The following ANKS1B variants were observed in gnomAD, a reference collection of about 807,000 sequenced individuals.
ANKS1B encodes ankyrin repeat and sterile alpha motif domain-containing protein 1B.
Under a neutral mutation model 148.3 loss-of-function variants are expected in ANKS1B, and 36 were observed. The observed-to-expected ratio is 0.24, with a 90% CI of 0.19 to 0.32. The LOEUF (loss-of-function observed/expected upper bound fraction) is 0.32, where lower values mean the gene tolerates loss of function less well. ANKS1B is among the 10% of genes least tolerant of loss of function. The probability of loss-of-function intolerance (pLI) is 1.00; values close to 1 mark genes in which losing one functional copy is unlikely to be tolerated. For synonymous variants in ANKS1B, 542 were observed against 560.8 expected, an observed-to-expected ratio of 0.97 and a Z score of 0.47; for missense variants, 1,157 against 1,542.6, an observed-to-expected ratio of 0.75 and a Z score of 4.19.
chr12:99,456,686 C>T lies in ANKS1B; in HGVS notation c.1439-12877G>A, dbSNP rs73375716. On this transcript the variant is annotated intron_variant, in intron 10 of 26. Coordinates refer to ENST00000683438, the MANE Select transcript of ANKS1B (RefSeq NM_001352186.2). ...AGAAAAAAACTTCAGAGCTTGAAAT[C>T]AAGGCTTTCAAATTAACCCAATCTG... is the stretch of plus-strand genomic sequence containing the variant. Among the ~76,000 whole-genome samples the T allele has an allele frequency of 5.9e-3, 893 of 152,150 alleles. 9 individuals are homozygous for T. The highest frequency in any genetic ancestry group is 0.021 in the African/African-American group (855 of 41,534).
chr12:99,359,407 G>C (rs1372597684), intron 12 of ANKS1B, among the ~76,000 whole-genome samples: 1 of 151,968 alleles, frequency 6.6e-6, no homozygotes, highest in Non-Finnish European at 1.5e-5. Flanking sequence ...TATGTGGCTT[G>C]AATAAAACCA....
chr12:99,102,435 T>C (rs2058171227), intron 15 of ANKS1B, among the ~76,000 whole-genome samples: 1 of 151,982 alleles, frequency 6.6e-6, no homozygotes, highest in Non-Finnish European at 1.5e-5. Context: ...CTTCTTCTTC[T>C]TTTTTTCACT....
intron 16 of ANKS1B, among the ~76,000 whole-genome samples, chr12:99,073,380 T>A (rs1599452782): frequency 6.6e-6 from 1 of 152,280 alleles, no homozygotes. Flanking sequence ...GTGTCTTTGC[T>A]CTCTTAGAGA....
At chr12:99,526,956 GACTT>G (rs1852717360) in intron 9 of ANKS1B, among the ~76,000 whole-genome samples, 2 of 152,168 alleles carry the variant, frequency 1.3e-5, no homozygotes, top group South Asian at 4.1e-4. Flanking sequence ...TCTGGAGACA[GACTT>G]GTACACAGGT....
At chr12:99,106,792 T>C (rs1399196167) in intron 15 of ANKS1B, among the ~76,000 whole-genome samples, 2 of 151,060 alleles carry the variant, frequency 1.3e-5, no homozygotes, top group South Asian at 2.1e-4. Context: ...AAAAGTTGTC[T>C]TTTAGGTTGT....
At chr12:99,960,999 G>A (rs189783929) in intron 1 of ANKS1B, among the ~76,000 whole-genome samples, 29 of 152,198 alleles carry the variant, frequency 1.9e-4, no homozygotes, top group African/African-American at 5.3e-4. Context: ...AGGCCGAGGC[G>A]GACGGATCAT....
In ANKS1B at chr12:98,773,105, G is replaced by A. The variant is rs370342056; in HGVS notation, c.3516C>T (p.Ala1172=). The change falls in exon 25 of 27, where the codon GCC becomes GCT. Residue 1172 remains alanine (A), a synonymous_variant. Transcript: ENST00000683438. ...AQDPEDLSTF[A]YITKDLKSNH... ...TAGACTTCAAATCTTTTGTGATATA[G>A]GCAAATGTTGAGAGGTCTTCTGGGT... 1 of 1,613,816 alleles carries A rather than the reference G, an allele frequency of 6.2e-7. No homozygotes were observed. Among genetic ancestry groups the A allele is most frequent in the Non-Finnish European group, 8.5e-7 (1 of 1,179,884 alleles).
chr12:99,520,162 G>T (rs1225990746), intron 9 of ANKS1B, among the ~76,000 whole-genome samples: 2 of 152,162 alleles, frequency 1.3e-5, no homozygotes, highest in Non-Finnish European at 2.9e-5. Context: ...ATTATTGCCA[G>T]TAACTTTTGT....
In ANKS1B at chr12:99,826,016, T is replaced by C. The variant is rs544145941; in HGVS notation, c.135-627A>G. Among the ~76,000 whole-genome samples the C allele has an allele frequency of 3.3e-5, 3 of 91,642 alleles. No individual in the cohort carries two copies. The South Asian group carries it at 8.1e-4, about 25-fold the overall frequency. 60.1% of individuals were successfully genotyped at this position (91,642 alleles called of 152,430 possible). A position where few individuals can be genotyped will look rare whatever the true frequency, so the allele number is the denominator to read the frequency against. On this transcript the variant is annotated intron_variant, in intron 1 of 26. Transcript: ENST00000683438. ...GATAACATGTAACTATATAAAAGAG[T>C]CTATTTTTTTTTTGATAACTACAAT... is the stretch of plus-strand genomic sequence containing the variant.
At chr12:99,348,253 G>A (rs1454707665) in intron 12 of ANKS1B, among the ~76,000 whole-genome samples, 1 of 151,796 alleles carries the variant, frequency 6.6e-6, no homozygotes, top group African/African-American at 2.4e-5. Context: ...AGAAAGAGAG[G>A]AGACAGAATA....
chr12:99,207,480 A>G (rs993015861), intron 14 of ANKS1B, among the ~76,000 whole-genome samples: 1 of 152,136 alleles, frequency 6.6e-6, no homozygotes, highest in African/African-American at 2.4e-5. Flanking sequence ...TTGTTTTTAT[A>G]TCATATAGAA....
rs903138294 is a variant in ANKS1B, at chr12:99,776,375, C to T, written c.848-714G>A. Among the ~76,000 whole-genome samples, 13 of 152,234 alleles carry T rather than the reference C, an allele frequency of 8.5e-5. 1 individual carries two copies. In the East Asian group the frequency reaches 2.5e-3, roughly 29 times the overall value. On this transcript the variant is annotated intron_variant, in intron 6 of 26. Coordinates refer to ENST00000683438, the MANE Select transcript of ANKS1B (RefSeq NM_001352186.2). Reference sequence around the variant, plus strand: ...ATGTAATCCTTACAAAACTATGACACATGCACTAAATTTTAAAGATTACAA... The same window carrying T: ...ATGTAATCCTTACAAAACTATGACATATGCACTAAATTTTAAAGATTACAA...
chr12:99,547,316 TTTTTA>T (rs143556790), intron 9 of ANKS1B, among the ~76,000 whole-genome samples: 11,477 of 152,194 alleles, frequency 0.075, 571 homozygotes, highest in East Asian at 0.24. Flanking sequence ...ATATACTTTG[TTTTTA>T]TTTTCTTTTA....
chr12:98,885,855 T>C (rs1018100824), intron 17 of ANKS1B, among the ~76,000 whole-genome samples: 1 of 152,090 alleles, frequency 6.6e-6, no homozygotes, highest in African/African-American at 2.4e-5. Context: ...CAATAAAACA[T>C]AGCTCAAAGA....
At chr12:99,208,357 C>T (rs921464519) in intron 14 of ANKS1B, among the ~76,000 whole-genome samples, 1 of 152,000 alleles carries the variant, frequency 6.6e-6, no homozygotes, top group African/African-American at 2.4e-5. Flanking sequence ...TGTTTTAAAC[C>T]ATTTGACATT....
In ANKS1B at chr12:99,848,731, G is replaced by C. The variant is rs116835817; in HGVS notation, c.135-23342C>G. Among the ~76,000 whole-genome samples, 1,210 of 151,790 alleles carry C rather than the reference G, an allele frequency of 8.0e-3. 14 individuals are homozygous for C. The highest frequency in any genetic ancestry group is 0.028 in the African/African-American group (1,145 of 41,376). The stretch of plus-strand genomic sequence containing the variant: ...ACAGATTACAAGCCTAAATATTAAA[G>C]GGCAAAACAATAAAATTTCTAGAAG... On this transcript the variant is annotated intron_variant, in intron 1 of 26. Transcript: ENST00000683438.
intron 11 of ANKS1B, among the ~76,000 whole-genome samples, chr12:99,416,503 A>T (rs2152695039): frequency 6.6e-6 from 1 of 152,318 alleles, no homozygotes; most frequent in East Asian, 1.9e-4. Context: ...CCTTGCCAGC[A>T]TTTAGTGTTG....
chr12:99,581,962 C>T (rs543304400), intron 9 of ANKS1B, among the ~76,000 whole-genome samples: 1 of 149,346 alleles, frequency 6.7e-6, no homozygotes, highest in African/African-American at 2.4e-5. Flanking sequence ...ATTAAACATA[C>T]ATCTGATAAA....
intron 19 of ANKS1B, among the ~76,000 whole-genome samples, chr12:98,811,327 C>T (rs2099093854): frequency 6.6e-6 from 1 of 152,192 alleles, no homozygotes; most frequent in Admixed American, 6.5e-5. Context: ...TAACCCCAGA[C>T]TCCTTCTGCA....
Sources: gnomAD v4.1 joint callset for allele counts (sites outside exome capture counted in the v4.1 genomes callset) on GRCh38, gnomAD v4.1.1 for gene constraint, MANE v1.5 for transcripts, NCBI Gene and HGNC (gene_info 2026-07-23, HGNC 2026-07-21) for gene names.